CYTH1: variants seen among roughly 807,000 people sequenced by gnomAD.
The protein encoded by CYTH1 is cytohesin 1.
A neutral mutation model predicts 61.8 loss-of-function variants in CYTH1; 18 were observed. The ratio of observed to expected loss-of-function variants is 0.29; its 90% confidence interval spans 0.20 to 0.43. The LOEUF (loss-of-function observed/expected upper bound fraction) is 0.43. Ranked by LOEUF, CYTH1 falls within the 20% of genes least tolerant of loss-of-function variation. CYTH1 has a pLI of 1.00. For synonymous variants in CYTH1, 174 were observed against 184.3 expected, an observed-to-expected ratio of 0.94 and a Z score of 0.45; for missense variants, 336 against 510.5, an observed-to-expected ratio of 0.66 and a Z score of 3.29.
chr17:78,777,280 G>A (rs1047762730), intron 1 of CYTH1, among the ~76,000 whole-genome samples: 14 of 152,136 alleles, frequency 9.2e-5, no homozygotes, highest in African/African-American at 3.4e-4. Flanking sequence ...TTAGCCGGGT[G>A]TGGTGGCGGG....
At chr17:78,714,872 G>GAAA (rs141113308) in intron 1 of CYTH1, among the ~76,000 whole-genome samples, 1 of 145,716 alleles carries the variant, frequency 6.9e-6, no homozygotes, top group East Asian at 2.0e-4. Context: ...AAAAAAGAAA[G>GAAA]AAAAAAAAAA....
chr17:78,696,572 A>T (rs1258385004), intron 9 of CYTH1: 1 of 152,834 alleles, frequency 6.5e-6, no homozygotes, highest in African/African-American at 2.4e-5. Context: ...ACAAAGAGTG[A>T]TACTAAGTGT....
intron 1 of CYTH1, among the ~76,000 whole-genome samples, chr17:78,766,064 C>T (rs1233234718): frequency 2.8e-5 from 3 of 106,424 alleles, no homozygotes; most frequent in Non-Finnish European, 5.2e-5. Flanking sequence ...GCCAGGGCAA[C>T]ATAGTGAGAT....
chr17:78,780,729 G>A (rs1477705864), intron 1 of CYTH1, among the ~76,000 whole-genome samples: 1 of 152,128 alleles, frequency 6.6e-6, no homozygotes, highest in Non-Finnish European at 1.5e-5. Context: ...AATTAGGGCT[G>A]GGCGCGGTGG....
intron 1 of CYTH1, among the ~76,000 whole-genome samples, chr17:78,718,369 C>T (rs928351886): frequency 1.3e-5 from 2 of 152,172 alleles, no homozygotes; most frequent in Non-Finnish European, 2.9e-5. Context: ...CTACCACCTG[C>T]TCAGAGGAGA....
In CYTH1 at chr17:78,687,906, T is replaced by C. The variant is rs796233293; in HGVS notation, c.891+4511A>G. 1.1e-4 allele frequency among the ~76,000 whole-genome samples: 16 copies of C among 152,362 alleles called. 1 individual carries two copies. The highest frequency in any genetic ancestry group is 3.8e-4 in the African/African-American group (16 of 41,588). ...GAAGTGGCTGTTGCAACTCAGAAAC[T>C]CTGGCCAGTGATGTGCCTTTAGAGA... On this transcript the variant is annotated intron_variant, in intron 11 of 13. Transcript: ENST00000446868.
At chr17:78,703,979 C>A (rs1200287347) in intron 3 of CYTH1, among the ~76,000 whole-genome samples, 1 of 152,202 alleles carries the variant, frequency 6.6e-6, no homozygotes, top group African/African-American at 2.4e-5. Context: ...TACGGTACAT[C>A]TGTATTTAAC....
intron 1 of CYTH1, among the ~76,000 whole-genome samples, chr17:78,761,833 A>G (rs1033331315): frequency 1.3e-5 from 2 of 152,254 alleles, no homozygotes; most frequent in African/African-American, 4.8e-5. Context: ...ACGTTTGAGA[A>G]AACAGTAGTC....
rs1454403249 is a variant in CYTH1 at position 78,698,325 on chromosome 17, T to C, written c.755A>G (p.Asn252Ser). 1 of 1,613,266 alleles carries C rather than the reference T, an allele frequency of 6.2e-7. No individual in the cohort carries two copies. The highest frequency in any genetic ancestry group is 8.5e-7 in the Non-Finnish European group (1 of 1,179,832). ...ATTGAAGAAAGTGTGAGTGAGGTCA[T>C]TCCCGTCGTCTTCTGGGATTTTAAA... ...EPFKIPEDDGNDLTHTFFNPD... is the reference protein window; with the variant it reads ...EPFKIPEDDGSDLTHTFFNPD... The change falls in exon 9 of 14, where the codon AAT (asparagine) becomes AGT (serine). Residue 252 changes from asparagine to serine, a missense_variant. By Grantham distance (46) the Asn-to-Ser change is conservative. Transcript: ENST00000446868.
intron 1 of CYTH1, among the ~76,000 whole-genome samples, chr17:78,728,306 G>C (rs567359112): frequency 6.6e-6 from 1 of 152,168 alleles, no homozygotes; most frequent in Admixed American, 6.5e-5. Flanking sequence ...AGCACTTTTG[G>C]GGGCCGAGGT....
intron 3 of CYTH1, among the ~76,000 whole-genome samples, 181 bp from the exon 4 acceptor site, chr17:78,702,785 C>A (rs2093025824): frequency 6.6e-6 from 1 of 152,184 alleles, no homozygotes; most frequent in Non-Finnish European, 1.5e-5. Flanking sequence ...TGGCTCCAAG[C>A]TCCAAGCTCA....
At chr17:78,737,479 T>TA (rs2093325267) in intron 1 of CYTH1, among the ~76,000 whole-genome samples, 1 of 151,888 alleles carries the variant, frequency 6.6e-6, no homozygotes, top group African/African-American at 2.4e-5. Flanking sequence ...ATGGAATCAT[T>TA]AAAATCCCTG....
chr17:78,710,385 G>C (rs1395515180), intron 1 of CYTH1, among the ~76,000 whole-genome samples: 3 of 152,108 alleles, frequency 2.0e-5, no homozygotes, highest in Non-Finnish European at 2.9e-5. Context: ...CTTATCATCA[G>C]AAGAAAGTTA....
chr17:78,761,654 C>T (rs887230891), intron 1 of CYTH1, among the ~76,000 whole-genome samples: 4 of 152,094 alleles, frequency 2.6e-5, no homozygotes, highest in African/African-American at 9.7e-5. Context: ...AGGAGAATGA[C>T]GTGAACCCGG....
rs759617917 is a variant in CYTH1, at chr17:78,700,347, G to A, written c.534C>T (p.Gly178=). 20 of 1,612,002 alleles carry A rather than the reference G, an allele frequency of 1.2e-5. No homozygotes were observed. The highest frequency in any genetic ancestry group is 1.6e-4 in the Middle Eastern group (1 of 6,084). The change falls in exon 7 of 14, where the codon GGC becomes GGT. Residue 178 remains glycine (G), a synonymous_variant. Coordinates refer to ENST00000446868, the MANE Select transcript of CYTH1 (RefSeq NM_004762.6). This position sits in a 1 kb window ranked among gnomAD's most constrained non-coding sequence, Gnocchi z 5.1. ...FAQRYCQCNN[G]VFQSTDTCYV... ...CGTATTTACCCGTGGACTGGAACACGCCATTATTGCACTGACAATATCGCT... is the reference window on the plus strand; with the variant it reads ...CGTATTTACCCGTGGACTGGAACACACCATTATTGCACTGACAATATCGCT...
At chr17:78,719,060 T>G (rs2093206673) in intron 1 of CYTH1, among the ~76,000 whole-genome samples, 1 of 152,108 alleles carries the variant, frequency 6.6e-6, no homozygotes. Flanking sequence ...CAGGTGTGCA[T>G]GTTAACGAGG....
chr17:78,771,806 C>T (rs2093472541), intron 1 of CYTH1, among the ~76,000 whole-genome samples: 1 of 151,642 alleles, frequency 6.6e-6, no homozygotes, highest in Non-Finnish European at 1.5e-5. Flanking sequence ...TATCCTGGCC[C>T]TTACTATAAA....
intron 1 of CYTH1, among the ~76,000 whole-genome samples, chr17:78,761,010 A>G (rs1008409075): frequency 6.6e-6 from 1 of 151,940 alleles, no homozygotes; most frequent in African/African-American, 2.4e-5. Context: ...TAATTTTTGT[A>G]TTTTTTGTAG....
At chr17:78,706,771 G>T (rs2093070991) in intron 3 of CYTH1, among the ~76,000 whole-genome samples, 1 of 152,208 alleles carries the variant, frequency 6.6e-6, no homozygotes, top group Non-Finnish European at 1.5e-5. Context: ...GGGATGTGAA[G>T]TACCGTTTCA....
Sources: gnomAD v4.1 joint callset for allele counts (sites outside exome capture counted in the v4.1 genomes callset) on GRCh38, gnomAD v4.1.1 for gene constraint, Gnocchi (gnomAD v3.1) non-coding constraint, MANE v1.5 for transcripts, NCBI Gene and HGNC (gene_info 2026-07-23, HGNC 2026-07-21) for gene names.